Variants in XBP1 observed in about 807,000 individuals in gnomAD.
XBP1 encodes X-box binding protein 1, also known as X-box-binding protein 1.
Under a neutral mutation model 34.6 loss-of-function variants are expected in XBP1, and 18 were observed. The observed-to-expected ratio is 0.52, with a 90% confidence interval of 0.36 to 0.77. XBP1 has a LOEUF of 0.77. XBP1 is among the 30% of genes least tolerant of loss of function. The pLI is 0.00. For missense variants in XBP1, 422 were observed against 464.6 expected, an observed-to-expected ratio of 0.91 and a Z score of 0.84; for synonymous variants, 191 against 193.4, an observed-to-expected ratio of 0.99 and a Z score of 0.11.
chr22:28,797,304 T>A, intron 2 of XBP1, 99 bp from the exon 3 acceptor site: 1 of 1,393,274 alleles, frequency 7.2e-7, no homozygotes, highest in South Asian at 1.3e-5. Flanking sequence ...TCTTGAACTT[T>A]TGGAAAACTC....
intron 1 of XBP1, 129 bp downstream of exon 1, chr22:28,800,168 AC>A: frequency 9.0e-7 from 1 of 1,114,690 alleles, no homozygotes; most frequent in East Asian, 2.7e-5. Flanking sequence ...GCTGGCACCG[AC>A]CCGCCAGGCC....
chr22:28,796,283 T>G, intron 3 of XBP1, 91 bp from the exon 4 acceptor site: 1 of 1,304,002 alleles, frequency 7.7e-7, no homozygotes, highest in South Asian at 1.7e-5. Flanking sequence ...AAAGAATTAC[T>G]TTTCAAAAAG....
rs1167090631 is a variant in XBP1, at chr22:28,796,143, C to A, written c.498+5G>T. On this transcript the variant is annotated splice_donor_5th_base_variant and intron_variant, in intron 4 of 5. Coordinates refer to ENST00000344347, the Ensembl canonical transcript of XBP1. ...CACCTGCTGCAGAGGTGCACGTAGT[C>A]TGAGTGCTGCGGACTCAGCAGACCC... 6.2e-7 allele frequency: 1 copy of A among 1,611,724 alleles called. No homozygotes were observed. Among genetic ancestry groups the A allele is most frequent in the Non-Finnish European group, 8.5e-7 (1 of 1,178,868 alleles).
At chr22:28,796,521 G>A (rs2031755052) in intron 3 of XBP1, 1 of 205,918 alleles carries the variant, frequency 4.9e-6, no homozygotes, top group East Asian at 1.2e-4. Flanking sequence ...TGTAAAGAAT[G>A]GTTTTCTAGT....
intron 1 of XBP1, 184 bp downstream of exon 1, chr22:28,800,114 G>A: frequency 1.3e-6 from 1 of 741,964 alleles, no homozygotes; most frequent in South Asian, 1.6e-5. Flanking sequence ...TTCCCAGCGT[G>A]GCGGATCCGG....
intron 5 of XBP1, 121 bp from the exon 6 acceptor site, chr22:28,795,853 G>C: frequency 8.4e-7 from 1 of 1,195,856 alleles, no homozygotes; most frequent in Non-Finnish European, 1.2e-6. Flanking sequence ...ATGACCTCGG[G>C]ACCCACCAGA....
rs368443267 is a variant in XBP1 at position 28,795,542 on chromosome 22, C to T, written c.764G>A (p.Arg255His). The T allele has an allele frequency of 6.4e-5, 103 of 1,613,996 alleles. 1 individual carries two copies. Among genetic ancestry groups the T allele is most frequent in the Non-Finnish European group, 8.1e-5 (96 of 1,180,024 alleles). The stretch of plus-strand genomic sequence containing the variant: ...GGGCTTGGTATATATGTGGTCAAAA[C>T]GAATTAGTTCATTAATGGCTTCCAG... The change falls in exon 6 of 6, where the codon CGT becomes CAT. Residue 255 changes from arginine (R) to histidine (H), a missense_variant. By Grantham distance (29) the Arg-to-His change is conservative. This residue lies in a region of XBP1 where 292 missense variants were observed against 339.9 expected (regional missense o/e 0.86). Coordinates refer to ENST00000344347, the Ensembl canonical transcript of XBP1.
At chr22:28,799,473 C>A (rs940554858) in intron 1 of XBP1, among the ~76,000 whole-genome samples, 4 of 152,172 alleles carry the variant, frequency 2.6e-5, no homozygotes, top group Admixed American at 2.0e-4. Flanking sequence ...CCCATCTATT[C>A]CCCCGCTGCT....
At chr22:28,795,877 A>G in intron 5 of XBP1, 145 bp from the exon 6 acceptor site, 1 of 1,214,120 alleles carries the variant, frequency 8.2e-7, no homozygotes, top group Non-Finnish European at 1.2e-6. Flanking sequence ...ATTTATCTAC[A>G]CTTCACTCCA....
intron 2 of XBP1, 27 bp downstream of exon 2, chr22:28,799,030 A>T: frequency 6.3e-7 from 1 of 1,582,862 alleles, no homozygotes; most frequent in South Asian, 1.1e-5. Context: ...ACAATGGATA[A>T]AAGAGTTTGA....
intron 2 of XBP1, among the ~76,000 whole-genome samples, chr22:28,798,414 T>C (rs2031791538): frequency 1.3e-5 from 2 of 150,876 alleles, no homozygotes; most frequent in South Asian, 4.3e-4. Flanking sequence ...GTTCAAGTGA[T>C]TCTCCTGCGT....
At chr22:28,795,654 G>C (rs1214216980) in exon 6 of XBP1, 1 of 1,602,440 alleles carries the variant, frequency 6.2e-7, no homozygotes. Context: ...AGCTCCTCCA[G>C]GCTGGCAGGC....
Position 28,796,052 on chromosome 22 carries a change from A to T in XBP1, c.568T>A (p.Ser190Thr), listed in dbSNP as rs2031745479. ...TAAGTCAGAATGATCCCTACCTCTG[A>T]ATCTGAAGAGTCAATACCGCCAGAA... Residue 190 changes from serine to threonine, a missense_variant, in exon 5 of 6, where the codon TCA (serine) becomes ACA (threonine). Physicochemically the swap from Ser to Thr is moderately conservative, Grantham distance 58. Transcript: ENST00000344347. 1.9e-6 allele frequency: 3 copies of T among 1,614,202 alleles called. No individual in the cohort carries two copies. The African/African-American group carries it at 4.0e-5, about 22-fold the overall frequency.
At chr22:28,795,834 T>C in intron 5 of XBP1, 102 bp from the exon 6 acceptor site, 6 of 1,329,044 alleles carry the variant, frequency 4.5e-6, no homozygotes, top group Non-Finnish European at 6.1e-6. Context: ...TTAGTCATTA[T>C]GTGATAAGAT....
chr22:28,798,734 C>A (rs945273758), intron 2 of XBP1, among the ~76,000 whole-genome samples: 1 of 150,912 alleles, frequency 6.6e-6, no homozygotes, highest in Non-Finnish European at 1.5e-5. Context: ...CTCAACCTCC[C>A]GAGTAGCTGG....
intron 3 of XBP1, 163 bp downstream of exon 3, chr22:28,796,914 G>A (rs2031761793): frequency 2.6e-6 from 2 of 768,006 alleles, no homozygotes; most frequent in South Asian, 2.0e-5. Flanking sequence ...AGTGTCAAGT[G>A]CCTTTAGGGG....
In XBP1 at chr22:28,795,743, C is replaced by T. The variant is rs371714751; in HGVS notation, c.574-11G>A. 8.4e-5 allele frequency: 128 copies of T among 1,522,440 alleles called. No homozygotes were observed. The highest frequency in any genetic ancestry group is 1.1e-4 in the Non-Finnish European group (122 of 1,137,980). 94.3% of individuals were successfully genotyped at this position (1,522,440 alleles called of 1,614,324 possible). A position where few individuals can be genotyped will look rare whatever the true frequency, so the allele number is the denominator to read the frequency against. ...CAACAGGATATCAGACTGTAAGAGG[C>T]AAAAATTAAATGAAGTACAACTGTC... On this transcript the variant is annotated splice_polypyrimidine_tract_variant and intron_variant, in intron 5 of 5. Transcript: ENST00000344347.
exon 6 of XBP1, chr22:28,795,243 G>A (rs2031723884): frequency 1.3e-6 from 2 of 1,550,174 alleles, no homozygotes; most frequent in South Asian, 1.2e-5. Flanking sequence ...TTTACACCAA[G>A]CAGAGAGGAC....
At chr22:28,799,853 G>A in intron 1 of XBP1, 1 of 668,304 alleles carries the variant, frequency 1.5e-6, no homozygotes, top group Middle Eastern at 2.4e-4. Flanking sequence ...CGCAGATACT[G>A]AGCTAGACCA....
Sources: gnomAD v4.1 joint callset for allele counts (sites outside exome capture counted in the v4.1 genomes callset) on GRCh38, gnomAD v4.1.1 for gene constraint, gnomAD v4.1.1 regional missense constraint, MANE v1.5 for transcripts, NCBI Gene and HGNC (gene_info 2026-07-23, HGNC 2026-07-21) for gene names.